ACTN2: variants seen among roughly 807,000 people sequenced by gnomAD.
ACTN2 encodes the protein actinin alpha 2, also known as alpha-actinin-2.
In ACTN2, 39 loss-of-function variants were observed where a neutral mutation model predicts 113.8. That is an observed-to-expected ratio of 0.34 (90% CI 0.27 to 0.45). The LOEUF is 0.45. ACTN2 is among the 20% of genes least tolerant of loss of function. The pLI, the probability that ACTN2 is intolerant of heterozygous loss-of-function variation, is 1.00. For synonymous variants in ACTN2, 429 were observed against 444.1 expected, an observed-to-expected ratio of 0.97 and a Z score of 0.43; for missense variants, 992 against 1,177.9, an observed-to-expected ratio of 0.84 and a Z score of 2.31.
In ACTN2 at chr1:236,744,733, C is replaced by G; in HGVS notation, c.1363C>G (p.Gln455Glu). The change falls in exon 12 of 21, where the codon CAG becomes GAG. Residue 455 changes from glutamine to glutamate, a missense_variant. By Grantham distance (29) the Gln-to-Glu change is conservative (BLOSUM62 2). Around this residue, in one of 3 missense-constraint regions of ACTN2, gnomAD observed 736 missense variants for 815.4 expected, o/e 0.90. Coordinates refer to ENST00000366578, the MANE Select transcript of ACTN2 (RefSeq NM_001103.4). The stretch of plus-strand genomic sequence containing the variant: ...GTTCGAGAGCGACCTGGCAGCGCAC[C>G]AGGACCGCGTGGAGCAGATCGCAGC... ...EAFESDLAAH[Q>E]DRVEQIAAIA... The G allele has an allele frequency of 1.2e-6, 2 of 1,614,202 alleles. No homozygotes were observed. The highest frequency in any genetic ancestry group is 1.7e-6 in the Non-Finnish European group (2 of 1,180,050).
In ACTN2 at chr1:236,757,430, C is replaced by T. The variant is rs1659581149; in HGVS notation, c.2155-56C>T. The T allele has an allele frequency of 6.8e-6, 11 of 1,608,814 alleles. No homozygotes were observed. In the South Asian group the frequency reaches 1.2e-4, roughly 18 times the overall value. Reference sequence around the variant, plus strand: ...CTGTACTGTTATGAAAGTAAAGAGGCAGAGTTGACATGCTGGAGAGACTTA... The same window carrying T: ...CTGTACTGTTATGAAAGTAAAGAGGTAGAGTTGACATGCTGGAGAGACTTA... On this transcript the variant is annotated intron_variant, in intron 17 of 20. Transcript: ENST00000366578.
chr1:236,755,342 G>C lies in ACTN2; in HGVS notation c.2154+144G>C, dbSNP rs1271571929. ...AGTTAGGGATCTTTAAGCCTTTCCA[G>C]TCACTATTTGTGGAAATGCTTCGTG... is the stretch of plus-strand genomic sequence containing the variant. On this transcript the variant is annotated intron_variant, in intron 17 of 20. Coordinates refer to ENST00000366578, the MANE Select transcript of ACTN2 (RefSeq NM_001103.4). 2.2e-5 allele frequency: 21 copies of C among 939,860 alleles called. No individual in the cohort carries two copies. In the East Asian group the frequency reaches 5.2e-4, roughly 23 times the overall value. The allele number at this position is 939,860 out of a possible 1,614,324, so 58.2% of individuals were successfully genotyped here.
chr1:236,710,172 C>A (rs1476106940), intron 1 of ACTN2, among the ~76,000 whole-genome samples: 1 of 152,128 alleles, frequency 6.6e-6, no homozygotes, highest in Non-Finnish European at 1.5e-5. Flanking sequence ...TGTGCACATG[C>A]GTAGTCAAAG....
chr1:236,745,121 T>G (rs750774162), intron 12 of ACTN2, among the ~76,000 whole-genome samples: 9 of 151,856 alleles, frequency 5.9e-5, no homozygotes, highest in African/African-American at 4.8e-5. Flanking sequence ...TGTCCTGAAA[T>G]CAACATAAAA....
chr1:236,734,794 T>C (rs1658817748), intron 7 of ACTN2, among the ~76,000 whole-genome samples: 1 of 152,212 alleles, frequency 6.6e-6, no homozygotes, highest in Admixed American at 6.5e-5. Context: ...AATGACTAGG[T>C]TTCACCATAG....
chr1:236,758,173 C>T (rs1659601564), intron 18 of ACTN2, among the ~76,000 whole-genome samples: 1 of 151,922 alleles, frequency 6.6e-6, no homozygotes, highest in Admixed American at 6.6e-5. Flanking sequence ...TTAAAAATAT[C>T]ATCTAGTATT....
chr1:236,753,828 T>G, intron 15 of ACTN2, 119 bp from the exon 16 acceptor site: 5 of 1,098,564 alleles, frequency 4.6e-6, no homozygotes, highest in Non-Finnish European at 6.7e-6. Context: ...TACACCCTCC[T>G]CCCTTCGTTT....
At position 236,751,504 on chromosome 1, in the gene ACTN2, C is replaced by T. The variant is rs876661341; in HGVS notation, c.1691C>T (p.Thr564Met). The T allele has an allele frequency of 5.6e-6, 9 of 1,613,962 alleles. No homozygotes were observed. Among genetic ancestry groups the T allele is most frequent in the South Asian group, 5.5e-5 (5 of 91,076 alleles). Residue 564 changes from threonine to methionine, a missense_variant, in exon 15 of 21, where the codon ACG (threonine) becomes ATG (methionine). Around this residue, in one of 3 missense-constraint regions of ACTN2, gnomAD observed 736 missense variants for 815.4 expected, o/e 0.90. Transcript: ENST00000366578. The part of the protein sequence containing the change: ...LITAHEQFKA[T>M]LPEADGERQS... ...ACTGCGCATGAGCAGTTCAAGGCCA[C>T]GCTGCCCGAGGCGGACGGAGAGCGG...
chr1:236,733,106 T>C (rs1658758720), intron 7 of ACTN2, among the ~76,000 whole-genome samples: 1 of 152,256 alleles, frequency 6.6e-6, no homozygotes, highest in Non-Finnish European at 1.5e-5. Flanking sequence ...GGAAATTTCC[T>C]TTCCTCTTTT....
intron 17 of ACTN2, 96 bp from the exon 18 acceptor site, chr1:236,757,390 A>C: frequency 6.7e-7 from 1 of 1,483,496 alleles, no homozygotes; most frequent in Non-Finnish European, 9.4e-7. Flanking sequence ...CTGCTTAGTA[A>C]GCCCTTTGAG....
intron 1 of ACTN2, among the ~76,000 whole-genome samples, chr1:236,698,405 CAT>C (rs552079082): frequency 6.1e-4 from 93 of 152,112 alleles, no homozygotes; most frequent in African/African-American, 2.2e-3. Flanking sequence ...TCGTAAAAGC[CAT>C]ATAGAAAACC....
At chr1:236,744,829 G>C in intron 12 of ACTN2, 53 bp downstream of exon 12, 16 of 1,612,666 alleles carry the variant, frequency 9.9e-6, no homozygotes, top group Non-Finnish European at 1.4e-5. Flanking sequence ...TCCACAGAGA[G>C]GGGAGAGAAA....
chr1:236,746,204 A>G (rs932694834), intron 12 of ACTN2, among the ~76,000 whole-genome samples: 4 of 151,542 alleles, frequency 2.6e-5, no homozygotes, highest in African/African-American at 9.7e-5. Context: ...AAAAAAGAAA[A>G]CGAACTTAAG....
At chr1:236,752,967 T>G (rs944064005) in intron 15 of ACTN2, among the ~76,000 whole-genome samples, 15 of 152,236 alleles carry the variant, frequency 9.9e-5, no homozygotes, top group African/African-American at 3.6e-4. Context: ...TTAGTAGCAG[T>G]TTTGCAGATG....
intron 1 of ACTN2, among the ~76,000 whole-genome samples, chr1:236,713,403 T>A (rs60998573): frequency 1.3e-5 from 2 of 152,102 alleles, no homozygotes; most frequent in Non-Finnish European, 2.9e-5. Context: ...AGTCTTGTAT[T>A]TTTTGTAGAG....
At chr1:236,703,050 G>C (rs1283484087) in intron 1 of ACTN2, among the ~76,000 whole-genome samples, 1 of 152,150 alleles carries the variant, frequency 6.6e-6, no homozygotes, top group Non-Finnish European at 1.5e-5. Context: ...TTTTCTTTTA[G>C]CTTGAATTCA....
chr1:236,710,456 G>A (rs1484509715), intron 1 of ACTN2, among the ~76,000 whole-genome samples: 2 of 152,168 alleles, frequency 1.3e-5, no homozygotes, highest in East Asian at 3.9e-4. Context: ...CATGGATTAG[G>A]GACTTTGCTA....
At position 236,763,735 on chromosome 1, in the gene ACTN2, G is replaced by A. The variant is rs548189072; in HGVS notation, c.*1116G>A. 2.6e-5 allele frequency: 4 copies of A among 152,330 alleles called. No homozygotes were observed. The East Asian group carries it at 7.7e-4, about 29-fold the overall frequency. The allele number at this position is 152,330 out of a possible 1,614,324, so 9.4% of individuals were successfully genotyped here. ...GTGTGCGGTGTGTGTTCACCCCTGG[G>A]ATTGGACAGTGTATCCTAACAAGTC... On this transcript the variant is annotated 3_prime_UTR_variant, in exon 21 of 21. Transcript: ENST00000366578.
chr1:236,686,910 G>T, intron 1 of ACTN2, 111 bp downstream of exon 1: 1 of 1,206,352 alleles, frequency 8.3e-7, no homozygotes, highest in Non-Finnish European at 1.1e-6. Context: ...CTTTGTGGAG[G>T]TGCTGTGCTG....
Sources: gnomAD v4.1 joint callset for allele counts (sites outside exome capture counted in the v4.1 genomes callset) on GRCh38, gnomAD v4.1.1 for gene constraint, gnomAD v4.1.1 regional missense constraint, MANE v1.5 for transcripts, NCBI Gene and HGNC (gene_info 2026-07-23, HGNC 2026-07-21) for gene names.